Variants in CNTN4 observed in about 807,000 individuals in gnomAD.
CNTN4 encodes the protein contactin 4.
Under a neutral mutation model 122.5 loss-of-function variants are expected in CNTN4, and 77 were observed. The observed-to-expected ratio is 0.63, with a 90% confidence interval of 0.52 to 0.76. CNTN4 has a LOEUF of 0.76. Ranked by LOEUF, CNTN4 falls within the 30% of genes least tolerant of loss-of-function variation. The pLI is 0.00. For missense variants in CNTN4, 1,256 were observed against 1,259.1 expected, an observed-to-expected ratio of 1.00 and a Z score of 0.04; for synonymous variants, 512 against 447.0, an observed-to-expected ratio of 1.15 and a Z score of -1.83.
chr3:2,638,542 T>A (rs1265373447), intron 4 of CNTN4, among the ~76,000 whole-genome samples: 1 of 152,220 alleles, frequency 6.6e-6, no homozygotes, highest in African/African-American at 2.4e-5. Flanking sequence ...TTAGCTTTTT[T>A]AAAACTGCAA....
intron 4 of CNTN4, 148 bp downstream of exon 4, chr3:2,571,706 C>G: frequency 1.4e-6 from 1 of 696,742 alleles, no homozygotes; most frequent in East Asian, 2.7e-5. Context: ...GTTGAATATA[C>G]CTTCCTGATG....
At chr3:2,559,751 G>C (rs183648062) in intron 3 of CNTN4, among the ~76,000 whole-genome samples, 1 of 152,236 alleles carries the variant, frequency 6.6e-6, no homozygotes, top group East Asian at 1.9e-4. Flanking sequence ...TTTGTCAAAT[G>C]GGGTGGAAAT....
intron 2 of CNTN4, among the ~76,000 whole-genome samples, chr3:2,306,096 T>C (rs1205203168): frequency 6.6e-6 from 1 of 152,208 alleles, no homozygotes; most frequent in Non-Finnish European, 1.5e-5. Flanking sequence ...CTTTGAATAT[T>C]GTGTACAAGG....
At chr3:2,233,651 C>G (rs1403120472) in intron 2 of CNTN4, among the ~76,000 whole-genome samples, 2 of 152,100 alleles carry the variant, frequency 1.3e-5, no homozygotes, top group African/African-American at 4.8e-5. Context: ...TCCACCCCCT[C>G]ACCCCCAATT....
At chr3:2,180,619 C>A (rs1304963422) in intron 2 of CNTN4, among the ~76,000 whole-genome samples, 1 of 152,016 alleles carries the variant, frequency 6.6e-6, no homozygotes, top group Non-Finnish European at 1.5e-5. Flanking sequence ...GTTTCCCAGT[C>A]CAGTTTCTTG....
intron 4 of CNTN4, among the ~76,000 whole-genome samples, chr3:2,681,231 G>A (rs892817032): frequency 2.0e-5 from 3 of 152,088 alleles, no homozygotes; most frequent in African/African-American, 7.3e-5. Context: ...GTAATACCAT[G>A]GGGCAGGATG....
intron 3 of CNTN4, among the ~76,000 whole-genome samples, chr3:2,444,476 T>C (rs1200388418): frequency 1.3e-5 from 2 of 152,028 alleles, no homozygotes; most frequent in Non-Finnish European, 2.9e-5. Context: ...TCATTTACCG[T>C]ATTCGAGAAA....
chr3:2,181,060 C>G (rs1322056913), intron 2 of CNTN4, among the ~76,000 whole-genome samples: 1 of 152,032 alleles, frequency 6.6e-6, no homozygotes, highest in Non-Finnish European at 1.5e-5. Context: ...GTGAAATGTG[C>G]TTTATCTGCT....
intron 3 of CNTN4, among the ~76,000 whole-genome samples, chr3:2,422,679 A>C (rs2047659400): frequency 6.6e-6 from 1 of 152,212 alleles, no homozygotes; most frequent in African/African-American, 2.4e-5. Flanking sequence ...TACATCCTTA[A>C]AATAATTCAG....
intron 4 of CNTN4, among the ~76,000 whole-genome samples, chr3:2,607,753 A>G (rs1229197670): frequency 3.3e-5 from 5 of 152,158 alleles, no homozygotes; most frequent in Non-Finnish European, 5.9e-5. Context: ...TTTAAATGCT[A>G]TGTTAAAAAA....
intron 3 of CNTN4, among the ~76,000 whole-genome samples, chr3:2,542,935 C>T (rs1007066762): frequency 8.5e-5 from 13 of 152,066 alleles, no homozygotes; most frequent in Admixed American, 7.2e-4. Context: ...AGAAACATTT[C>T]CACCCATTAT....
chr3:2,580,382 A>G (rs1313264596), intron 4 of CNTN4, among the ~76,000 whole-genome samples: 1 of 152,174 alleles, frequency 6.6e-6, no homozygotes, highest in African/African-American at 2.4e-5. Flanking sequence ...AAGTTGTAAG[A>G]GGATAGGGTT....
chr3:2,416,802 T>C (rs1055585545), intron 3 of CNTN4, among the ~76,000 whole-genome samples: 4 of 152,200 alleles, frequency 2.6e-5, no homozygotes, highest in Admixed American at 2.0e-4. Flanking sequence ...TACAGGCGCC[T>C]GCAACCTCGC....
intron 3 of CNTN4, among the ~76,000 whole-genome samples, chr3:2,525,453 A>G (rs1460715013): frequency 6.6e-6 from 1 of 152,174 alleles, no homozygotes; most frequent in Non-Finnish European, 1.5e-5. Context: ...TTTAAAGTCC[A>G]TATATATCTG....
At chr3:2,619,457 A>G (rs947908032) in intron 4 of CNTN4, among the ~76,000 whole-genome samples, 4 of 152,214 alleles carry the variant, frequency 2.6e-5, no homozygotes, top group Admixed American at 2.6e-4. Context: ...TTATCCATCT[A>G]TGGGGAAAAT....
intron 3 of CNTN4, among the ~76,000 whole-genome samples, chr3:2,496,902 T>A (rs1204114781): frequency 6.6e-6 from 1 of 152,178 alleles, no homozygotes; most frequent in Non-Finnish European, 1.5e-5. Context: ...ATAGAAGTCC[T>A]GGAGTCTGAA....
chr3:2,988,166 C>G (rs572623998), intron 13 of CNTN4, among the ~76,000 whole-genome samples, 179 bp from the exon 14 acceptor site: 1 of 152,234 alleles, frequency 6.6e-6, no homozygotes, highest in Non-Finnish European at 1.5e-5. Context: ...AGTCACATGT[C>G]TCAATTATGT....
intron 2 of CNTN4, among the ~76,000 whole-genome samples, chr3:2,183,020 A>C (rs1295794391): frequency 2.6e-5 from 4 of 152,084 alleles, no homozygotes; most frequent in African/African-American, 9.7e-5. Flanking sequence ...TTTAGCTCTA[A>C]CTCATATCTT....
intron 12 of CNTN4, among the ~76,000 whole-genome samples, chr3:2,912,958 C>G (rs926106941): frequency 1.3e-5 from 2 of 152,166 alleles, no homozygotes; most frequent in African/African-American, 4.8e-5. Flanking sequence ...TTGAGACCAG[C>G]CTGGCCAACA....
Sources: gnomAD v4.1 joint callset for allele counts (sites outside exome capture counted in the v4.1 genomes callset) on GRCh38, gnomAD v4.1.1 for gene constraint, MANE v1.5 for transcripts, NCBI Gene and HGNC (gene_info 2026-07-23, HGNC 2026-07-21) for gene names.